The following HOMER2 variants were observed in gnomAD, a reference collection of about 807,000 sequenced individuals.
HOMER2 encodes homer scaffold protein 2, also known as homer protein homolog 2.
Under a neutral mutation model 47.0 loss-of-function variants are expected in HOMER2, and 27 were observed. That is an observed-to-expected ratio of 0.57 (90% CI 0.42 to 0.79). The LOEUF (loss-of-function observed/expected upper bound fraction) is 0.79, where lower values mean the gene tolerates loss of function less well. Ranked by LOEUF, HOMER2 falls within the 30% of genes least tolerant of loss-of-function variation. The pLI is 0.00. For synonymous variants in HOMER2, 161 were observed against 163.8 expected, an observed-to-expected ratio of 0.98 and a Z score of 0.13; for missense variants, 443 against 435.0, an observed-to-expected ratio of 1.02 and a Z score of -0.16.
At chr15:82,977,981 C>T (rs942776178) in intron 1 of HOMER2, among the ~76,000 whole-genome samples, 1 of 152,118 alleles carries the variant, frequency 6.6e-6, no homozygotes, top group African/African-American at 2.4e-5. Context: ...GAAACCCCGT[C>T]TCTACTAAAA....
Position 82,921,924 on chromosome 15 carries a change from A to G in HOMER2, c.6-29083T>C, listed in dbSNP as rs543379708. 7.9e-5 allele frequency among the ~76,000 whole-genome samples: 12 copies of G among 152,276 alleles called. No homozygotes were observed. The South Asian group carries it at 1.7e-3, about 21-fold the overall frequency. Reference sequence around the variant, plus strand: ...GCTGTCCTGGGATTATACTTTTCATAATCTCCTTATTATCATTTTAATGGG... The same window carrying G: ...GCTGTCCTGGGATTATACTTTTCATGATCTCCTTATTATCATTTTAATGGG... On this transcript the variant is annotated intron_variant, in intron 1 of 8. Transcript: ENST00000450735.
At chr15:82,904,573 AACTAATTT>A (rs1357803305) in intron 1 of HOMER2, among the ~76,000 whole-genome samples, 1 of 152,186 alleles carries the variant, frequency 6.6e-6, no homozygotes, top group Non-Finnish European at 1.5e-5. Flanking sequence ...CCTCAGGAGA[AACTAATTT>A]ACCAGGGCCC....
chr15:82,838,304 A>C (rs2051146379), exon 2 of HOMER2: 1 of 152,362 alleles, frequency 6.6e-6, no homozygotes, highest in Admixed American at 6.5e-5. Flanking sequence ...AATAAGCAAG[A>C]GAAAGGGCAC....
chr15:82,910,261 C>T (rs757457428), intron 1 of HOMER2, among the ~76,000 whole-genome samples: 2 of 151,780 alleles, frequency 1.3e-5, no homozygotes, highest in African/African-American at 2.4e-5. Flanking sequence ...GGTGTCAAAG[C>T]CCCCACATTG....
At chr15:82,924,327 T>A (rs1261820190) in intron 1 of HOMER2, among the ~76,000 whole-genome samples, 1 of 151,224 alleles carries the variant, frequency 6.6e-6, no homozygotes, top group African/African-American at 2.4e-5. Flanking sequence ...TGCCAGCAGG[T>A]GTCTAGACAG....
At chr15:82,844,536 AACAC>A (rs918732829), downstream of HOMER2, 10 of 152,270 alleles carry the variant, frequency 6.6e-5, no homozygotes, top group East Asian at 1.3e-3. Flanking sequence ...AAAGTAATAA[AACAC>A]ACACAGATGC....
At chr15:82,845,689 CCT>C (rs1401885049), downstream of HOMER2, 3 of 152,122 alleles carry the variant, frequency 2.0e-5, no homozygotes, top group Admixed American at 1.3e-4. Flanking sequence ...CCAGTGGCTG[CCT>C]CTTTTGAGTG....
At chr15:82,864,885 ATTGT>A (rs889112159) in intron 3 of HOMER2, among the ~76,000 whole-genome samples, 1 of 152,246 alleles carries the variant, frequency 6.6e-6, no homozygotes, top group African/African-American at 2.4e-5. Context: ...TAGCAAATTC[ATTGT>A]TTGAACAGAG....
chr15:82,858,286 T>C (rs1034160561), intron 5 of HOMER2, among the ~76,000 whole-genome samples: 14 of 151,598 alleles, frequency 9.2e-5, no homozygotes, highest in Non-Finnish European at 1.9e-4. Flanking sequence ...TGTTCAAAAT[T>C]CTTTTTTTTT....
At chr15:82,945,792 A>T (rs2054364660) in intron 1 of HOMER2, among the ~76,000 whole-genome samples, 1 of 152,152 alleles carries the variant, frequency 6.6e-6, no homozygotes, top group African/African-American at 2.4e-5. Flanking sequence ...AACAAGGTGA[A>T]ATCCCATCTC....
intron 1 of HOMER2, among the ~76,000 whole-genome samples, chr15:82,898,771 CAA>C (rs375832788): frequency 2.6e-5 from 4 of 152,196 alleles, no homozygotes; most frequent in South Asian, 2.1e-4. Context: ...TGCAAAGAAA[CAA>C]GAGAGAGAGA....
chr15:82,897,005 G>T (rs1357760570), intron 1 of HOMER2, among the ~76,000 whole-genome samples: 3 of 151,790 alleles, frequency 2.0e-5, no homozygotes, highest in African/African-American at 7.3e-5. Context: ...AACTCAGAGA[G>T]GCCAGGTAAC....
At chr15:82,912,350 T>C (rs1440758343) in intron 1 of HOMER2, among the ~76,000 whole-genome samples, 1 of 152,258 alleles carries the variant, frequency 6.6e-6, no homozygotes, top group African/African-American at 2.4e-5. Flanking sequence ...TGTGGCTTTT[T>C]ATATCTAGCT....
Position 82,932,116 on chromosome 15 carries a change from C to T in HOMER2, c.5+20415G>A, listed in dbSNP as rs139361415. On this transcript the variant is annotated intron_variant, in intron 1 of 8. Coordinates refer to ENST00000450735, the MANE Select transcript of HOMER2 (RefSeq NM_004839.4). Reference sequence around the variant, plus strand: ...AGCACTCTTCTCACCCAACTCCATCCATATTATGGAAGACAGCCCAATGCT... The same window carrying T: ...AGCACTCTTCTCACCCAACTCCATCTATATTATGGAAGACAGCCCAATGCT... 1.3e-3 allele frequency among the ~76,000 whole-genome samples: 198 copies of T among 152,310 alleles called. 1 individual carries two copies. The highest frequency in any genetic ancestry group is 3.4e-3 in the Middle Eastern group (1 of 294).
intron 1 of HOMER2, among the ~76,000 whole-genome samples, chr15:82,894,019 AC>A (rs1310604942): frequency 1.3e-5 from 2 of 151,902 alleles, no homozygotes; most frequent in African/African-American, 4.8e-5. Context: ...ACCTGACCAA[AC>A]CTTCAAATTT....
chr15:82,957,237 T>A (rs889713569), upstream of HOMER2, among the ~76,000 whole-genome samples: 4 of 149,938 alleles, frequency 2.7e-5, no homozygotes, highest in Non-Finnish European at 5.9e-5. Flanking sequence ...AGATACTGTG[T>A]CACTGCACTC....
chr15:82,858,575 C>T (rs2051664890), intron 5 of HOMER2, among the ~76,000 whole-genome samples: 1 of 152,188 alleles, frequency 6.6e-6, no homozygotes, highest in Non-Finnish European at 1.5e-5. Flanking sequence ...GGATTACAGG[C>T]AGGAGCCACC....
intron 1 of HOMER2, among the ~76,000 whole-genome samples, chr15:82,984,183 C>A (rs1244277481): frequency 1.3e-5 from 2 of 151,880 alleles, no homozygotes; most frequent in Non-Finnish European, 2.9e-5. Context: ...CAGGCGCCGG[C>A]CACCACGCCC....
intron 1 of HOMER2, among the ~76,000 whole-genome samples, chr15:82,924,504 G>T (rs923721768): frequency 3.9e-5 from 6 of 151,928 alleles, no homozygotes; most frequent in Admixed American, 6.6e-5. Flanking sequence ...TCTTCTTCAA[G>T]CTTCCATCCT....
Sources: gnomAD v4.1 joint callset for allele counts (sites outside exome capture counted in the v4.1 genomes callset) on GRCh38, gnomAD v4.1.1 for gene constraint, MANE v1.5 for transcripts, NCBI Gene and HGNC (gene_info 2026-07-23, HGNC 2026-07-21) for gene names.